Variants in RNF19B observed in about 807,000 individuals in gnomAD.
RNF19B encodes E3 ubiquitin-protein ligase RNF19B.
RNF19B carries 23 observed loss-of-function variants against 65.5 expected under a neutral mutation model. That is an observed-to-expected ratio of 0.35 (90% CI 0.25 to 0.50). The LOEUF is 0.50. Ranked by LOEUF, RNF19B falls within the 20% of genes least tolerant of loss-of-function variation. The pLI, the probability that RNF19B is intolerant of heterozygous loss-of-function variation, is 0.98. For synonymous variants in RNF19B, 372 were observed against 379.6 expected, an observed-to-expected ratio of 0.98 and a Z score of 0.23; for missense variants, 794 against 980.0, an observed-to-expected ratio of 0.81 and a Z score of 2.53.
intron 2 of RNF19B, 49 bp downstream of exon 2, chr1:32,949,520 C>T (rs1372004785): frequency 3.9e-6 from 6 of 1,528,020 alleles, no homozygotes; most frequent in Admixed American, 1.7e-5. Context: ...TATGGGCTCA[C>T]ATCATGAAAT....
At position 32,936,938 on chromosome 1, in the gene RNF19B, G is replaced by C. The variant is rs756268186; in HGVS notation, c.2064C>G (p.Arg688=). Residue 688 remains arginine, a synonymous_variant, in exon 9 of 9, where the codon CGC becomes CGG. Coordinates refer to ENST00000235150, the MANE Select transcript of RNF19B (RefSeq NM_001300826.2). ...DITSDECGSP[R]SHTAACPSTP... is the part of the protein sequence containing the mutation. ...TCGAGGGGCAGGCTGCAGTATGGGA[G>C]CGGGGGGAGCCACACTCATCTGAGG... is the stretch of plus-strand genomic sequence containing the variant. The C allele has an allele frequency of 3.7e-6, 6 of 1,613,922 alleles. No homozygotes were observed. The African/African-American group carries it at 6.7e-5, about 18-fold the overall frequency.
Position 32,936,959 on chromosome 1 carries a change from T to C in RNF19B, c.2043A>G (p.Ser681=). The C allele has an allele frequency of 6.2e-7, 1 of 1,614,032 alleles. No individual in the cohort carries two copies. Among genetic ancestry groups the C allele is most frequent in the Admixed American group, 1.7e-5 (1 of 60,002 alleles). ...GGGAGCGGGGGGAGCCACACTCATCTGAGGTGATGTCTGGCACATCGTCTG... is the reference window on the plus strand; with the variant it reads ...GGGAGCGGGGGGAGCCACACTCATCCGAGGTGATGTCTGGCACATCGTCTG... ...AQSDDVPDIT[S]DECGSPRSHT... Residue 681 remains serine, a synonymous_variant, in exon 9 of 9, where the codon TCA becomes TCG. Transcript: ENST00000235150.
intron 1 of RNF19B, among the ~76,000 whole-genome samples, chr1:32,951,943 C>A (rs551653328): frequency 6.6e-6 from 1 of 150,442 alleles, no homozygotes; most frequent in African/African-American, 2.4e-5. Flanking sequence ...TACAGGCGCC[C>A]GCCACCACGC....
chr1:32,948,180 A>G lies in RNF19B; in HGVS notation c.983+42T>C, dbSNP rs777484498. 3 of 1,599,136 alleles carry G rather than the reference A, an allele frequency of 1.9e-6. No homozygotes were observed. In the South Asian group the frequency reaches 3.3e-5, roughly 18 times the overall value. ...ACATCCTTTTCCCTAAATCAGTAAG[A>G]GAATGAGACTACGAAAGGAATGGAT... On this transcript the variant is annotated intron_variant, in intron 3 of 8. Transcript: ENST00000235150.
intron 7 of RNF19B, 121 bp from the exon 8 acceptor site, chr1:32,938,649 C>T: frequency 9.9e-7 from 1 of 1,009,618 alleles, no homozygotes; most frequent in Non-Finnish European, 1.5e-6. Flanking sequence ...CTGATCTTCT[C>T]CAACTGTCAA....
At chr1:32,932,287 A>G (rs895256413), downstream of RNF19B, among the ~76,000 whole-genome samples, 3 of 152,180 alleles carry the variant, frequency 2.0e-5, no homozygotes, top group African/African-American at 7.2e-5. Context: ...ACTGCTATCT[A>G]TGGATCCAGA....
chr1:32,945,362 T>TA (rs1332796386), intron 5 of RNF19B, 152 bp downstream of exon 5: 1 of 506,708 alleles, frequency 2.0e-6, no homozygotes, highest in African/African-American at 1.9e-5. Context: ...TTGAAAAACT[T>TA]AAAAATAATC....
In RNF19B at chr1:32,954,100, G is replaced by A. The variant is rs369410512; in HGVS notation, c.636-4326C>T. On this transcript the variant is annotated intron_variant, in intron 1 of 8. Transcript: ENST00000235150. Reference sequence around the variant, plus strand: ...CATTTTTTGTATTTTTAGTAGAGATGGGGTTTCACCATGTTGGCCAGGCTG... The same window carrying A: ...CATTTTTTGTATTTTTAGTAGAGATAGGGTTTCACCATGTTGGCCAGGCTG... Among the ~76,000 whole-genome samples the A allele has an allele frequency of 4.6e-5, 7 of 151,080 alleles. No homozygotes were observed. The South Asian group carries it at 8.4e-4, about 18-fold the overall frequency.
chr1:32,941,719 G>A (rs956602300), intron 7 of RNF19B, among the ~76,000 whole-genome samples: 3 of 152,020 alleles, frequency 2.0e-5, no homozygotes, highest in Admixed American at 6.6e-5. Flanking sequence ...TTATATAGAG[G>A]CAGCTATGGT....
At chr1:32,953,069 T>C (rs112078004) in intron 1 of RNF19B, among the ~76,000 whole-genome samples, 104 of 150,606 alleles carry the variant, frequency 6.9e-4, no homozygotes, top group African/African-American at 2.4e-3. Context: ...TGGGCTCAAG[T>C]GATCCCACCT....
At chr1:32,947,327 T>A (rs1642388894) in intron 3 of RNF19B, among the ~76,000 whole-genome samples, 1 of 152,214 alleles carries the variant, frequency 6.6e-6, no homozygotes, top group African/African-American at 2.4e-5. Flanking sequence ...TAGCAAACAT[T>A]TTGTTTGTAA....
intron 7 of RNF19B, among the ~76,000 whole-genome samples, chr1:32,941,459 G>A (rs1446977160): frequency 2.0e-5 from 3 of 152,118 alleles, no homozygotes; most frequent in Non-Finnish European, 4.4e-5. Context: ...ACAATCACTA[G>A]AACCCAGGAG....
chr1:32,935,262 C>G (rs907153641), downstream of RNF19B, among the ~76,000 whole-genome samples: 4 of 152,082 alleles, frequency 2.6e-5, no homozygotes, highest in Non-Finnish European at 5.9e-5. Flanking sequence ...CTCAGCCTCC[C>G]GAGTAGCTGG....
intron 6 of RNF19B, 144 bp downstream of exon 6, chr1:32,943,875 G>GA (rs1417495665): frequency 2.7e-5 from 22 of 822,446 alleles, no homozygotes; most frequent in Non-Finnish European, 3.7e-5. Context: ...ACAAAGAAAT[G>GA]AAAAGCTAAA....
chr1:32,949,267 GA>G (rs1642434018), intron 2 of RNF19B, among the ~76,000 whole-genome samples: 1 of 152,066 alleles, frequency 6.6e-6, no homozygotes, highest in Non-Finnish European at 1.5e-5. Flanking sequence ...TGAAAGTTTT[GA>G]AAAAGCCCCT....
At chr1:32,961,966 C>T (rs1416684568) in intron 1 of RNF19B, among the ~76,000 whole-genome samples, 3 of 151,502 alleles carry the variant, frequency 2.0e-5, no homozygotes, top group Non-Finnish European at 4.4e-5. Context: ...ATTAACTATG[C>T]AGTGTTTTGT....
chr1:32,955,177 G>T (rs1642605492), intron 1 of RNF19B, among the ~76,000 whole-genome samples: 1 of 152,008 alleles, frequency 6.6e-6, no homozygotes, highest in African/African-American at 2.4e-5. Flanking sequence ...CTAGTATACT[G>T]GTTCATGCTC....
chr1:32,935,358 C>T (rs1282434609), downstream of RNF19B, among the ~76,000 whole-genome samples: 6 of 151,794 alleles, frequency 4.0e-5, no homozygotes, highest in Non-Finnish European at 7.4e-5. Flanking sequence ...AGGCTGGTCT[C>T]GAACTCCTGA....
intron 1 of RNF19B, among the ~76,000 whole-genome samples, chr1:32,958,037 C>A (rs1018829509): frequency 3.9e-5 from 6 of 152,138 alleles, no homozygotes; most frequent in Non-Finnish European, 7.4e-5. Context: ...ATATAGATAT[C>A]CTAGTCTAGA....
Sources: allele counts gnomAD v4.1 joint callset (sites outside exome capture counted in the v4.1 genomes callset), GRCh38; gene constraint gnomAD v4.1.1; transcripts MANE v1.5; gene names NCBI Gene and HGNC (gene_info 2026-07-23, HGNC 2026-07-21).